TMEM223: variants seen among roughly 807,000 people sequenced by gnomAD.
The protein encoded by TMEM223 is transmembrane protein 223.
A neutral mutation model predicts 14.1 loss-of-function variants in TMEM223; 14 were observed. That is an observed-to-expected ratio of 0.99 (90% CI 0.66 to 1.55). TMEM223 has a LOEUF of 1.55. Ranked by LOEUF, TMEM223 falls within the 40% of genes most tolerant of loss-of-function variation. The pLI is 0.00. For synonymous variants in TMEM223, 145 were observed against 120.5 expected (o/e 1.20, Z -1.33); for missense variants, 346 against 269.9 (o/e 1.28, Z -1.97).
chr11:62,772,135 G>A (rs537652999), intron 2 of TMEM223: 2 of 456,254 alleles, frequency 4.4e-6, no homozygotes, highest in South Asian at 3.1e-5. Context: ...TTCCTTGCCT[G>A]TGAAATAGAC....
chr11:62,781,400 G>A (rs147301349), intron 1 of TMEM223, among the ~76,000 whole-genome samples: 6 of 151,666 alleles, frequency 4.0e-5, no homozygotes, highest in East Asian at 2.0e-4. Flanking sequence ...ATGGCCGGGC[G>A]CGGTGGCTCA....
At chr11:62,774,589 G>A in intron 2 of TMEM223, 2 of 454,774 alleles carry the variant, frequency 4.4e-6, no homozygotes, top group Middle Eastern at 5.4e-4. Context: ...GCGCACGGGA[G>A]CCTACCTTCT....
chr11:62,785,974 C>T (rs2084270976), downstream of TMEM223: 1 of 274,190 alleles, frequency 3.6e-6, no homozygotes, highest in Admixed American at 4.4e-5. Flanking sequence ...AGTATGCAAA[C>T]TAAATTTTGG....
At chr11:62,775,838 C>A (rs776998318) in intron 1 of TMEM223, 1 of 1,613,256 alleles carries the variant, frequency 6.2e-7, no homozygotes, top group South Asian at 1.1e-5. Flanking sequence ...GTCTGTCCGG[C>A]TCATGGCGGA....
chr11:62,789,748 T>C, downstream of TMEM223: 1 of 1,515,788 alleles, frequency 6.6e-7, no homozygotes, highest in South Asian at 1.3e-5. Flanking sequence ...CACCAGTGTA[T>C]TGTGAGCTTG....
At position 62,781,471 on chromosome 11, in the gene TMEM223, C is replaced by T. The variant is rs201947505; in HGVS notation, c.315-6806G>A. Among the ~76,000 whole-genome samples, 450 of 151,726 alleles carry T rather than the reference C, an allele frequency of 3.0e-3. 2 individuals are homozygous for T. The highest frequency in any genetic ancestry group is 0.01 in the African/African-American group (419 of 41,392). ...GGCAGATCACGAGGTCAGGAGATCG[C>T]GACCATCCTGGCTAACACGGTGAAA... On this transcript the variant is annotated intron_variant, in intron 1 of 2. Transcript: ENST00000528367.
At chr11:62,782,865 C>T (rs372533241), downstream of TMEM223, 193 of 1,604,296 alleles carry the variant, frequency 1.2e-4, no homozygotes, top group African/African-American at 2.4e-3. Flanking sequence ...GTAAGAACTC[C>T]CATTTGTGTT....
chr11:62,781,069 C>G (rs934833515), intron 1 of TMEM223, among the ~76,000 whole-genome samples: 3 of 151,288 alleles, frequency 2.0e-5, no homozygotes, highest in Non-Finnish European at 2.9e-5. Context: ...AACCCTGTCT[C>G]TACTAAAAAT....
intron 1 of TMEM223, chr11:62,782,409 C>G (rs2084237254): frequency 6.7e-7 from 1 of 1,487,878 alleles, no homozygotes; most frequent in Admixed American, 1.9e-5. Context: ...TGGGGCGAAG[C>G]CTCTGGCTTT....
intron 2 of TMEM223, among the ~76,000 whole-genome samples, chr11:62,774,080 T>C (rs114207321): frequency 0.019 from 2,938 of 152,138 alleles, 89 homozygotes; most frequent in African/African-American, 0.065. Flanking sequence ...TTGTTCTTTA[T>C]TTCTTTTTTT....
chr11:62,787,845 C>G (rs1248718427), downstream of TMEM223: 1 of 640,416 alleles, frequency 1.6e-6, no homozygotes, highest in African/African-American at 1.8e-5. Context: ...AGTGCAGAAC[C>G]TGCGTCCATC....
At chr11:62,785,268 T>C (rs2084261945), downstream of TMEM223, among the ~76,000 whole-genome samples, 1 of 151,924 alleles carries the variant, frequency 6.6e-6, no homozygotes, top group Non-Finnish European at 1.5e-5. Flanking sequence ...CTCGGCTCAC[T>C]GCAACCTCTG....
At chr11:62,782,826 G>T, downstream of TMEM223, 1 of 1,614,000 alleles carries the variant, frequency 6.2e-7, no homozygotes, top group East Asian at 2.2e-5. Flanking sequence ...TGGCTGGAAG[G>T]TGAGCACCCT....
chr11:62,786,304 A>G, downstream of TMEM223: 1 of 1,614,180 alleles, frequency 6.2e-7, no homozygotes, highest in Non-Finnish European at 8.5e-7. Context: ...CCTACTGGAC[A>G]AACTTGCAGG....
chr11:62,791,902 T>C lies in TMEM223; in HGVS notation c.93A>G (p.Gln31=). The change falls in exon 1 of 2, where the codon CAA becomes CAG. Residue 31 remains glutamine, a synonymous_variant. Transcript: ENST00000307366. ...CATGCTCAAAGAGCAGCACATCCCG[T>C]TGCAGCGTCGTGCCTTGCAGGGGCC... ...TCRPLQGTTL[Q]RDVLLFEHDR... is the part of the protein sequence containing the mutation. 6.2e-7 allele frequency: 1 copy of C among 1,600,974 alleles called. No individual in the cohort carries two copies. The highest frequency in any genetic ancestry group is 2.3e-5 in the East Asian group (1 of 44,266).
chr11:62,790,510 C>T lies in TMEM223; in HGVS notation c.*113G>A. Reference sequence around the variant, plus strand: ...AGCCTGGGCTCGAGCAGTGCTCCTGCCTCACCCTCCCAAAGTGCTGGGATT... The same window carrying T: ...AGCCTGGGCTCGAGCAGTGCTCCTGTCTCACCCTCCCAAAGTGCTGGGATT... On this transcript the variant is annotated 3_prime_UTR_variant, in exon 2 of 2. Coordinates refer to ENST00000307366, the MANE Select transcript of TMEM223 (RefSeq NM_001080501.3). The T allele has an allele frequency of 9.7e-7, 1 of 1,027,674 alleles. No individual in the cohort carries two copies. The highest frequency in any genetic ancestry group is 1.7e-5 in the South Asian group (1 of 59,164). 63.7% of individuals were successfully genotyped at this position (1,027,674 alleles called of 1,614,324 possible). A position where few individuals can be genotyped will look rare whatever the true frequency, so the allele number is the denominator to read the frequency against.
Position 62,790,597 on chromosome 11 carries a change from G to A in TMEM223, c.*26C>T. On this transcript the variant is annotated 3_prime_UTR_variant, in exon 2 of 2. Coordinates refer to ENST00000307366, the MANE Select transcript of TMEM223 (RefSeq NM_001080501.3). ...GTTCAGTTTTTATCCTCCTCTTGGAGAGGTGAGTGACTTGAGGTCATTTCT... is the reference window on the plus strand; with the variant it reads ...GTTCAGTTTTTATCCTCCTCTTGGAAAGGTGAGTGACTTGAGGTCATTTCT... The A allele has an allele frequency of 6.3e-7, 1 of 1,586,616 alleles. No individual in the cohort carries two copies. The highest frequency in any genetic ancestry group is 1.1e-5 in the South Asian group (1 of 87,986).
downstream of TMEM223, among the ~76,000 whole-genome samples, chr11:62,785,816 T>G (rs1396887824): frequency 6.6e-6 from 1 of 152,214 alleles, no homozygotes; most frequent in Non-Finnish European, 1.5e-5. Context: ...ATTACAGGCG[T>G]GAGCCACAGC....
chr11:62,783,413 C>A (rs934069566), downstream of TMEM223, among the ~76,000 whole-genome samples: 1 of 150,402 alleles, frequency 6.6e-6, no homozygotes, highest in Non-Finnish European at 1.5e-5. Context: ...ACCCGGGAGG[C>A]GGAGCTTGCA....
Sources: gnomAD v4.1 joint callset for allele counts (sites outside exome capture counted in the v4.1 genomes callset) on GRCh38, gnomAD v4.1.1 for gene constraint, MANE v1.5 for transcripts, NCBI Gene and HGNC (gene_info 2026-07-23, HGNC 2026-07-21) for gene names.